Variants in SLC24A2 observed in about 807,000 individuals in gnomAD.
SLC24A2 encodes sodium/potassium/calcium exchanger 2.
A neutral mutation model predicts 62.0 loss-of-function variants in SLC24A2; 36 were observed. The ratio of observed to expected loss-of-function variants is 0.58; its 90% CI spans 0.44 to 0.77. The LOEUF is 0.77. Ranked by LOEUF, SLC24A2 falls within the 30% of genes least tolerant of loss-of-function variation. SLC24A2 has a pLI of 0.00. For missense variants in SLC24A2, 846 were observed against 817.9 expected, an observed-to-expected ratio of 1.03 and a Z score of -0.42; for synonymous variants, 358 against 294.0, an observed-to-expected ratio of 1.22 and a Z score of -2.23.
At chr9:20,157,240 G>A in the SLC24A2 span, among the ~76,000 whole-genome samples, 1 of 151,332 alleles carries the variant, frequency 6.6e-6, no homozygotes, top group Non-Finnish European at 1.5e-5. Flanking sequence ...CCTACAAACT[G>A]GAGGATCAAT....
chr9:19,909,104 T>G, the SLC24A2 span, among the ~76,000 whole-genome samples: 1 of 152,152 alleles, frequency 6.6e-6, no homozygotes, highest in African/African-American at 2.4e-5. Context: ...AACGATAGAC[T>G]GGATTAAGAA....
chr9:20,074,680 T>C, the SLC24A2 span, among the ~76,000 whole-genome samples: 1 of 151,528 alleles, frequency 6.6e-6, no homozygotes, highest in Non-Finnish European at 1.5e-5. Context: ...TATTTTGTAG[T>C]TGCTTTATTC....
chr9:20,200,788 T>C, the SLC24A2 span, among the ~76,000 whole-genome samples: 71,615 of 151,998 alleles, frequency 0.47, 17,925 homozygotes, highest in East Asian at 0.86. Flanking sequence ...CTGAATAGCC[T>C]CATTGGTAGC....
rs147646570 is a variant in SLC24A2, at chr9:19,560,149, C to A, written c.1348-9881G>T. ...GGATAAAGCATCATTTGCTTTTCTT[C>A]TTTGAAAAGGTATGAAAACAGGGAG... On this transcript the variant is annotated intron_variant, in intron 7 of 10. Transcript: ENST00000341998. Among the ~76,000 whole-genome samples, 12 of 152,236 alleles carry A rather than the reference C, an allele frequency of 7.9e-5. No individual in the cohort carries two copies. In the East Asian group the frequency reaches 2.3e-3, roughly 29 times the overall value.
the SLC24A2 span, among the ~76,000 whole-genome samples, chr9:19,833,638 C>G: frequency 4.6e-3 from 703 of 152,344 alleles, 6 homozygotes; most frequent in African/African-American, 0.016. Context: ...TCTGTAGGCT[C>G]CACCTCTGGG....
chr9:19,632,317 A>G lies in SLC24A2; in HGVS notation c.931-10018T>C, dbSNP rs972132221. On this transcript the variant is annotated intron_variant, in intron 2 of 10. Coordinates refer to ENST00000341998, the MANE Select transcript of SLC24A2 (RefSeq NM_020344.4). This position sits in a 1 kb window ranked among gnomAD's most constrained non-coding sequence, Gnocchi z 4.5. ...TTCCCTCTTGCTCCATTTGCCAAAT[A>G]TCCTCCTTCACGGCATTTAAAAAAT... 9.2e-5 allele frequency among the ~76,000 whole-genome samples: 14 copies of G among 152,172 alleles called. No individual in the cohort carries two copies. Among genetic ancestry groups the G allele is most frequent in the African/African-American group, 3.4e-4 (14 of 41,428 alleles).
At chr9:19,840,311 A>G in the SLC24A2 span, among the ~76,000 whole-genome samples, 2 of 152,262 alleles carry the variant, frequency 1.3e-5, no homozygotes, top group Admixed American at 6.5e-5. Context: ...CTAGAATTAA[A>G]CCAGTACCCA....
At chr9:19,804,271 T>C in the SLC24A2 span, among the ~76,000 whole-genome samples, 1 of 152,192 alleles carries the variant, frequency 6.6e-6, no homozygotes, top group Non-Finnish European at 1.5e-5. Flanking sequence ...AAATTACTTA[T>C]ATTTATTTAG....
chr9:19,980,723 G>A, the SLC24A2 span, among the ~76,000 whole-genome samples: 1 of 152,102 alleles, frequency 6.6e-6, no homozygotes, highest in African/African-American at 2.4e-5. Context: ...AGAGAAAGAA[G>A]GTGATTCCCA....
At chr9:19,616,854 C>A (rs1325166346) in intron 4 of SLC24A2, among the ~76,000 whole-genome samples, 1 of 151,768 alleles carries the variant, frequency 6.6e-6, no homozygotes, top group Non-Finnish European at 1.5e-5. Context: ...AGTATTTACA[C>A]AGAGTGCTGA....
At chr9:19,804,805 A>G in the SLC24A2 span, among the ~76,000 whole-genome samples, 11 of 152,076 alleles carry the variant, frequency 7.2e-5, no homozygotes, top group Non-Finnish European at 1.3e-4. Flanking sequence ...GCTCCCTTCT[A>G]TTCTTAGTTT....
At chr9:20,260,849 C>CTTTTTTTTTT in the SLC24A2 span, among the ~76,000 whole-genome samples, 5 of 90,278 alleles carry the variant, frequency 5.5e-5, no homozygotes, top group East Asian at 4.3e-4. Flanking sequence ...ATCATTCTTT[C>CTTTTTTTTTT]TTTTTTTTTT....
At chr9:19,749,650 C>T (rs561574609) in intron 2 of SLC24A2, among the ~76,000 whole-genome samples, 1 of 152,268 alleles carries the variant, frequency 6.6e-6, no homozygotes, top group South Asian at 2.1e-4. Context: ...ATTTGCATTG[C>T]AGATAAACAA....
intron 2 of SLC24A2, among the ~76,000 whole-genome samples, chr9:19,728,824 T>C (rs1004255217): frequency 2.6e-5 from 4 of 152,158 alleles, no homozygotes; most frequent in East Asian, 1.9e-4. Context: ...ATATTCAATA[T>C]CAAAAAATTG....
At chr9:19,939,742 G>A in the SLC24A2 span, among the ~76,000 whole-genome samples, 2 of 152,120 alleles carry the variant, frequency 1.3e-5, no homozygotes, top group Non-Finnish European at 2.9e-5. Context: ...AATCTTAGGG[G>A]CCCACTGTCC....
chr9:19,571,534 G>A (rs71508794), intron 7 of SLC24A2, among the ~76,000 whole-genome samples: 1 of 152,108 alleles, frequency 6.6e-6, no homozygotes, highest in African/African-American at 2.4e-5. Flanking sequence ...TTAGGGTAGT[G>A]CTACTCCAAG....
chr9:19,747,799 G>A (rs1821877852), intron 2 of SLC24A2, among the ~76,000 whole-genome samples: 1 of 152,098 alleles, frequency 6.6e-6, no homozygotes, highest in East Asian at 1.9e-4. Flanking sequence ...ACACACGAAG[G>A]CTAACCATGT....
chr9:20,065,084 C>T, the SLC24A2 span, among the ~76,000 whole-genome samples: 1 of 152,156 alleles, frequency 6.6e-6, no homozygotes, highest in African/African-American at 2.4e-5. Flanking sequence ...ATTCTCAAAC[C>T]CCAAACATTT....
chr9:20,121,628 G>A, the SLC24A2 span, among the ~76,000 whole-genome samples: 9 of 152,058 alleles, frequency 5.9e-5, no homozygotes, highest in Non-Finnish European at 1.2e-4. Flanking sequence ...AGTGCTTACC[G>A]GGAATGTCCA....
Sources: gnomAD v4.1 joint callset for allele counts (sites outside exome capture counted in the v4.1 genomes callset) on GRCh38, gnomAD v4.1.1 for gene constraint, Gnocchi (gnomAD v3.1) non-coding constraint, MANE v1.5 for transcripts, NCBI Gene and HGNC (gene_info 2026-07-23, HGNC 2026-07-21) for gene names.